PRRC2B: variants seen among roughly 807,000 people sequenced by gnomAD.
PRRC2B encodes protein PRRC2B.
Under a neutral mutation model 242.3 loss-of-function variants are expected in PRRC2B, and 68 were observed. The ratio of observed to expected loss-of-function variants is 0.28; its 90% CI spans 0.23 to 0.34. PRRC2B has a LOEUF of 0.34. Ranked by LOEUF, PRRC2B falls within the 10% of genes least tolerant of loss-of-function variation. The probability of loss-of-function intolerance (pLI) is 1.00; values close to 1 mark genes in which losing one functional copy is unlikely to be tolerated. For missense variants in PRRC2B, 2,835 were observed against 2,954.8 expected, an observed-to-expected ratio of 0.96 and a Z score of 0.94; for synonymous variants, 1,228 against 1,173.6, an observed-to-expected ratio of 1.05 and a Z score of -0.95.
rs191850135 is a variant in PRRC2B, at chr9:131,465,224, G to A, written c.1720+146G>A. The A allele has an allele frequency of 7.3e-5, 59 of 804,302 alleles. No individual in the cohort carries two copies. The East Asian group carries it at 1.6e-3, about 21-fold the overall frequency. 49.8% of individuals were successfully genotyped at this position (804,302 alleles called of 1,614,324 possible). A position where few individuals can be genotyped will look rare whatever the true frequency, so the allele number is the denominator to read the frequency against. On this transcript the variant is annotated intron_variant, in intron 12 of 31. Transcript: ENST00000683519. ...GGAAGCATCAGTTATTAAGAGCATAGGCCTGGGTCAAATGCCTGGGTTCTG... is the reference window on the plus strand; with the variant it reads ...GGAAGCATCAGTTATTAAGAGCATAAGCCTGGGTCAAATGCCTGGGTTCTG...
chr9:131,457,188 C>T (rs889800848), intron 10 of PRRC2B, among the ~76,000 whole-genome samples: 1 of 152,204 alleles, frequency 6.6e-6, no homozygotes, highest in Non-Finnish European at 1.5e-5. Context: ...AATTTCCTTT[C>T]ATGCTGTTTG....
In PRRC2B at chr9:131,455,087, G is replaced by C; in HGVS notation, c.1132G>C (p.Glu378Gln). ...ADDGWAGLHEEVDYSEKLKFS... is the reference protein window; with the variant it reads ...ADDGWAGLHEQVDYSEKLKFS... The stretch of plus-strand genomic sequence containing the variant: ...TCCTGCTGTTGTAGGCCTCCATGAA[G>C]AAGTGGACTATTCTGAGAAACTGAA... Residue 378 changes from glutamate to glutamine, a missense_variant, in exon 10 of 32, where the codon GAA becomes CAA. Physicochemically the swap from Glu to Gln is conservative, Grantham distance 29. Transcript: ENST00000683519. 1 of 1,613,490 alleles carries C rather than the reference G, an allele frequency of 6.2e-7. No individual in the cohort carries two copies. Among genetic ancestry groups the C allele is most frequent in the Non-Finnish European group, 8.5e-7 (1 of 1,179,616 alleles).
At chr9:131,374,433 A>T (rs563733193) in intron 1 of PRRC2B, among the ~76,000 whole-genome samples, 1 of 152,354 alleles carries the variant, frequency 6.6e-6, no homozygotes, top group East Asian at 1.9e-4. Flanking sequence ...AGTCAGAATG[A>T]TATTAAATTT....
intron 1 of PRRC2B, among the ~76,000 whole-genome samples, chr9:131,377,735 C>T (rs1468564206): frequency 6.6e-6 from 1 of 152,076 alleles, no homozygotes; most frequent in Non-Finnish European, 1.5e-5. Context: ...GCCGCTTTCT[C>T]CTCTCCTCTC....
At chr9:131,490,872 C>CAG in intron 28 of PRRC2B, 1 of 318,462 alleles carries the variant, frequency 3.1e-6, no homozygotes, top group East Asian at 7.7e-5. Flanking sequence ...TTCTGACTTT[C>CAG]CTCACTCGTC....
At chr9:131,447,603 A>G in intron 8 of PRRC2B, 59 bp from the exon 9 acceptor site, 1 of 1,437,858 alleles carries the variant, frequency 7.0e-7, no homozygotes, top group African/African-American at 1.4e-5. Context: ...TTGGAAAGGT[A>G]TTTGATTTTG....
At chr9:131,476,602 G>C (rs753129035) in intron 16 of PRRC2B, 67 bp downstream of exon 16, 7 of 1,430,538 alleles carry the variant, frequency 4.9e-6, no homozygotes, top group Non-Finnish European at 6.5e-6. Context: ...CTGAGTTCAC[G>C]CATGCATGCC....
rs759260056 is a variant in PRRC2B, at chr9:131,467,660, A to G, written c.1818A>G (p.Glu606=). 1.7e-5 allele frequency: 27 copies of G among 1,613,958 alleles called. No homozygotes were observed. The South Asian group carries it at 2.9e-4, about 17-fold the overall frequency. The part of the protein sequence containing the change: ...PAVAQSNSSE[E]EAREAGSPAQ... ...TGGCACAGAGCAACAGCAGTGAGGA[A>G]GAGGCCAGAGAGGCTGGGTCCCCTG... The change falls in exon 13 of 32, where the codon GAA becomes GAG. Residue 606 remains glutamate (E), a synonymous_variant. Coordinates refer to ENST00000683519, the MANE Select transcript of PRRC2B (RefSeq NM_013318.4).
Position 131,499,787 on chromosome 9 carries a change from C to G in PRRC2B, c.*3913C>G, listed in dbSNP as rs1241438701. 1 of 152,206 alleles carries G rather than the reference C, an allele frequency of 6.6e-6. No homozygotes were observed. Among genetic ancestry groups the G allele is most frequent in the South Asian group, 2.1e-4 (1 of 4,828 alleles). 9.4% of individuals were successfully genotyped at this position (152,206 alleles called of 1,614,324 possible). A position where few individuals can be genotyped will look rare whatever the true frequency, so the allele number is the denominator to read the frequency against. ...GCTAAGGCTCTGTGTGGACGCCTTT[C>G]TCCCGTGATCTAAAGGGGACACTGT... On this transcript the variant is annotated 3_prime_UTR_variant, in exon 32 of 32. Coordinates refer to ENST00000683519, the MANE Select transcript of PRRC2B (RefSeq NM_013318.4).
At chr9:131,429,199 A>C (rs1838057989) in intron 1 of PRRC2B, among the ~76,000 whole-genome samples, 1 of 152,172 alleles carries the variant, frequency 6.6e-6, no homozygotes, top group Admixed American at 6.5e-5. Flanking sequence ...TGCCCACCTT[A>C]GCCTCCCAAA....
intron 2 of PRRC2B, among the ~76,000 whole-genome samples, chr9:131,431,941 T>C (rs1838188285): frequency 6.6e-6 from 1 of 151,962 alleles, no homozygotes; most frequent in Non-Finnish European, 1.5e-5. Flanking sequence ...ATTTAGAGAC[T>C]GGGTTATGAG....
chr9:131,401,741 G>T (rs1484256021), intron 1 of PRRC2B, among the ~76,000 whole-genome samples: 1 of 145,554 alleles, frequency 6.9e-6, no homozygotes, highest in South Asian at 2.2e-4. Flanking sequence ...GCTCACTGCA[G>T]CCTCTGCTTC....
At chr9:131,409,866 C>G (rs1310992434) in intron 1 of PRRC2B, among the ~76,000 whole-genome samples, 1 of 152,234 alleles carries the variant, frequency 6.6e-6, no homozygotes, top group South Asian at 2.1e-4. Flanking sequence ...TCCGATTTCT[C>G]TTCTCTACTA....
rs765007691 is a variant in PRRC2B, at chr9:131,485,035, C to T, written c.5653C>T (p.Pro1885Ser). ...CGGCGCTGGCTCAGGCATCCAGCCT[C>T]CATCCTCTGTGGGTGCCTCCAGCGG... ...PGGAGSGIQPPSSVGASSGVN... is the reference protein window; with the variant it reads ...PGGAGSGIQPSSSVGASSGVN... The change falls in exon 25 of 32, where the codon CCA (proline) becomes TCA (serine). Residue 1885 changes from proline (P) to serine (S), a missense_variant. Physicochemically the swap from Pro to Ser is moderately conservative, Grantham distance 74 (BLOSUM62 -1). Around this residue, in one of 7 missense-constraint regions of PRRC2B, gnomAD observed 574 missense variants for 626.0 expected, o/e 0.92. Transcript: ENST00000683519. The T allele has an allele frequency of 3.1e-6, 5 of 1,612,288 alleles. No homozygotes were observed. The African/African-American group carries it at 4.0e-5, about 13-fold the overall frequency.
upstream of PRRC2B, among the ~76,000 whole-genome samples, chr9:131,393,720 G>A (rs775966436): frequency 5.0e-5 from 7 of 141,310 alleles, no homozygotes; most frequent in Non-Finnish European, 1.1e-4. Context: ...CTTTCCGGGC[G>A]CCCTTCCCCC....
At chr9:131,495,139 G>C (rs1245265537) in intron 31 of PRRC2B, among the ~76,000 whole-genome samples, 1 of 152,146 alleles carries the variant, frequency 6.6e-6, no homozygotes, top group Non-Finnish European at 1.5e-5. Flanking sequence ...GTTCAGACCT[G>C]GTGGGGGGCA....
rs765996415 is a variant in PRRC2B at position 131,481,734 on chromosome 9, G to A, written c.4909G>A (p.Val1637Met). The A allele has an allele frequency of 2.6e-6, 4 of 1,562,536 alleles. No homozygotes were observed. The highest frequency in any genetic ancestry group is 2.6e-6 in the Non-Finnish European group (3 of 1,153,924). Residue 1637 changes from valine to methionine, a missense_variant, in exon 20 of 32, where the codon GTG becomes ATG. Around this residue, in one of 7 missense-constraint regions of PRRC2B, gnomAD observed 1,536 missense variants for 1,483.1 expected, o/e 1.04. Transcript: ENST00000683519. ...TCTTCCTCCCCTGGCAGCTCTCCCT[G>A]TGCAGGCCCCAGCCAACGACTCCTG... ...IWESSSQALP[V>M]QAPANDSWRK...
Position 131,432,830 on chromosome 9 carries a change from C to A in PRRC2B, c.293+36C>A, listed in dbSNP as rs117902097. The A allele has an allele frequency of 2.8e-4, 448 of 1,606,358 alleles. 4 individuals are homozygous for A. In the East Asian group the frequency reaches 8.4e-3, roughly 30 times the overall value. On this transcript the variant is annotated intron_variant, in intron 3 of 31. Coordinates refer to ENST00000683519, the MANE Select transcript of PRRC2B (RefSeq NM_013318.4). ...GAGGCGGGTGGTGAGTGGGAGCTGG[C>A]GCTCCAAGGGTGGTCCCGGCATCCT... is the stretch of plus-strand genomic sequence containing the variant.
rs1237499628 is a variant in PRRC2B, at chr9:131,496,040, T to C, written c.*166T>C. On this transcript the variant is annotated 3_prime_UTR_variant, in exon 32 of 32. Transcript: ENST00000683519. ...CCCGAAAGCTCCGTTGTCAACCAGC[T>C]TGCACCCGTGGATATATGGCATTGA... The C allele has an allele frequency of 1.1e-6, 1 of 938,776 alleles. No homozygotes were observed. The allele number at this position is 938,776 out of a possible 1,614,324, so 58.2% of individuals were successfully genotyped here. A position where few individuals can be genotyped will look rare whatever the true frequency, so the allele number is the denominator to read the frequency against.
Sources: gnomAD v4.1 joint callset for allele counts (sites outside exome capture counted in the v4.1 genomes callset) on GRCh38, gnomAD v4.1.1 for gene constraint, gnomAD v4.1.1 regional missense constraint, MANE v1.5 for transcripts, NCBI Gene and HGNC (gene_info 2026-07-23, HGNC 2026-07-21) for gene names.